PNLIP: variants seen among roughly 807,000 people sequenced by gnomAD.
PNLIP encodes the protein pancreatic triacylglycerol lipase.
PNLIP carries 49 observed loss-of-function variants against 57.1 expected under a neutral mutation model. That is an observed-to-expected ratio of 0.86 (90% CI 0.68 to 1.09). The LOEUF (loss-of-function observed/expected upper bound fraction) is 1.09. PNLIP is among the 50% of genes least tolerant of loss of function. The pLI is 0.00. For missense variants in PNLIP, 503 were observed against 570.2 expected (o/e 0.88, Z 1.20); for synonymous variants, 209 against 200.4 (o/e 1.04, Z -0.36).
In PNLIP at chr10:116,553,782, C is replaced by T. The variant is rs1847221107; in HGVS notation, c.515C>T (p.Ala172Val). 1.2e-6 allele frequency: 2 copies of T among 1,612,980 alleles called. No homozygotes were observed. The change falls in exon 6 of 13, where the codon GCC becomes GTC. Residue 172 changes from alanine to valine, a missense_variant. Coordinates refer to ENST00000369221, the MANE Select transcript of PNLIP (RefSeq NM_000936.4). ...CATGTCATTGGCCACAGCCTGGGTG[C>T]CCACGCTGCTGGGGAGGCTGGAAGG... is the stretch of plus-strand genomic sequence containing the variant. ...NVHVIGHSLGAHAAGEAGRRT... is the reference protein window; with the variant it reads ...NVHVIGHSLGVHAAGEAGRRT...
At chr10:116,567,170 CTCTTTCTTTCTTT>C (rs1964139234) in intron 12 of PNLIP, among the ~76,000 whole-genome samples, 2 of 138,724 alleles carry the variant, frequency 1.4e-5, no homozygotes. Flanking sequence ...TTCTTTCTTT[CTCTTTCTTTCTTT>C]TCTTTCTTTC....
At position 116,555,595 on chromosome 10, in the gene PNLIP, C is replaced by A. The variant is rs539333789; in HGVS notation, c.811+88C>A. ...ACTTGCTAAATTCTTTGGAATTGTACAGGTCTCACATTTTACATAACAAAA... is the reference window on the plus strand; with the variant it reads ...ACTTGCTAAATTCTTTGGAATTGTAAAGGTCTCACATTTTACATAACAAAA... On this transcript the variant is annotated intron_variant, in intron 8 of 12. Transcript: ENST00000369221. 175 of 1,387,812 alleles carry A rather than the reference C, an allele frequency of 1.3e-4. No individual in the cohort carries two copies. The East Asian group carries it at 3.5e-3, about 28-fold the overall frequency. 86.0% of individuals were successfully genotyped at this position (1,387,812 alleles called of 1,614,324 possible).
At chr10:116,565,162 ATG>A (rs1435658408) in intron 12 of PNLIP, among the ~76,000 whole-genome samples, 26 of 137,954 alleles carry the variant, frequency 1.9e-4, no homozygotes, top group African/African-American at 6.6e-4. Context: ...AGGCAGGAGA[ATG>A]GCGTGAACCC....
intron 10 of PNLIP, 138 bp from the exon 11 acceptor site, chr10:116,560,276 TAC>T (rs71301597): frequency 0.25 from 103,243 of 413,782 alleles, 5,087 homozygotes; most frequent in East Asian, 0.3. Context: ...ATTAGAAAAT[TAC>T]ACACACACAC....
rs1467253913 is a variant in PNLIP at position 116,546,074 on chromosome 10, T to C, written c.1-19T>C. ...TTAAAAACTTAGCCAGACTCAATCATGTTTTTAATTTCGTGTAGATGCTGC... is the reference window on the plus strand; with the variant it reads ...TTAAAAACTTAGCCAGACTCAATCACGTTTTTAATTTCGTGTAGATGCTGC... On this transcript the variant is annotated intron_variant, in intron 1 of 12. Transcript: ENST00000369221. 1 of 1,612,600 alleles carries C rather than the reference T, an allele frequency of 6.2e-7. No homozygotes were observed. Among genetic ancestry groups the C allele is most frequent in the Admixed American group, 1.7e-5 (1 of 60,032 alleles).
chr10:116,547,243 T>A (rs1268736334), intron 2 of PNLIP, 51 bp from the exon 3 acceptor site: 2 of 1,565,960 alleles, frequency 1.3e-6, no homozygotes. Flanking sequence ...GGCAGACAGA[T>A]CATTAAAAAG....
intron 9 of PNLIP, among the ~76,000 whole-genome samples, chr10:116,558,336 A>G (rs759418063): frequency 1.3e-5 from 2 of 151,410 alleles, no homozygotes; most frequent in African/African-American, 4.9e-5. Flanking sequence ...CTGGGACTAC[A>G]GGCGCCCGCC....
Position 116,547,577 on chromosome 10 carries a change from T to A in PNLIP, c.201+129T>A, listed in dbSNP as rs1313475213. ...CCATCTCTACTAAAAATACAAACAA[T>A]TAGCCAGGCGTGGTGGCAGGCGCCT... On this transcript the variant is annotated intron_variant, in intron 3 of 12. Coordinates refer to ENST00000369221, the MANE Select transcript of PNLIP (RefSeq NM_000936.4). 1.3e-5 allele frequency: 9 copies of A among 716,460 alleles called. No individual in the cohort carries two copies. In the Admixed American group the frequency reaches 2.4e-4, roughly 19 times the overall value. 44.4% of individuals were successfully genotyped at this position (716,460 alleles called of 1,614,324 possible).
chr10:116,553,870 G>A (rs1300166603), intron 6 of PNLIP, 32 bp downstream of exon 6: 23 of 1,363,238 alleles, frequency 1.7e-5, no homozygotes, highest in Non-Finnish European at 2.1e-5. Flanking sequence ...TACCAGGGGG[G>A]TTGAGGCAAG....
intron 9 of PNLIP, 47 bp from the exon 10 acceptor site, chr10:116,559,107 A>T (rs553782587): frequency 6.3e-7 from 1 of 1,591,876 alleles, no homozygotes; most frequent in African/African-American, 1.3e-5. Context: ...ATGGTACACA[A>T]CTAAAAGATA....
chr10:116,566,999 T>C (rs1847374175), intron 12 of PNLIP, among the ~76,000 whole-genome samples: 2 of 149,906 alleles, frequency 1.3e-5, no homozygotes, highest in African/African-American at 2.4e-5. Flanking sequence ...TCCCTTCCTT[T>C]CTTCCTTCCT....
rs772199914 is a variant in PNLIP, at chr10:116,548,336, T to A, written c.202-24T>A. On this transcript the variant is annotated intron_variant, in intron 3 of 12. Transcript: ENST00000369221. Reference sequence around the variant, plus strand: ...TATTGGCTACTATAGGAAACTGACATGAAACACTTTTCTGTCTAAACAGGA... The same window carrying A: ...TATTGGCTACTATAGGAAACTGACAAGAAACACTTTTCTGTCTAAACAGGA... The A allele has an allele frequency of 3.1e-6, 5 of 1,612,378 alleles. No individual in the cohort carries two copies. The South Asian group carries it at 5.5e-5, about 18-fold the overall frequency.
At position 116,561,620 on chromosome 10, in the gene PNLIP, A is replaced by G. The variant is rs778195546; in HGVS notation, c.1318A>G (p.Thr440Ala). 11 of 1,611,324 alleles carry G rather than the reference A, an allele frequency of 6.8e-6. No homozygotes were observed. In the Admixed American group the frequency reaches 1.8e-4, roughly 27 times the overall value. The change falls in exon 12 of 13, where the codon ACA (threonine) becomes GCA (alanine). Residue 440 changes from threonine (T) to alanine (A), a missense_variant. Physicochemically the swap from Thr to Ala is moderately conservative, Grantham distance 58. Transcript: ENST00000369221. ...GGGAGCATCCAAGATTATAGTGGAGACAAATGTTGGAAAACAGTAAGTAAT... is the reference window on the plus strand; with the variant it reads ...GGGAGCATCCAAGATTATAGTGGAGGCAAATGTTGGAAAACAGTAAGTAAT... ...RVGASKIIVE[T>A]NVGKQFNFCS...
chr10:116,556,141 A>G (rs1226844904), intron 9 of PNLIP, 23 bp downstream of exon 9: 3 of 1,382,620 alleles, frequency 2.2e-6, no homozygotes, highest in East Asian at 2.3e-5. Flanking sequence ...CACCTTCCGC[A>G]TAAAGAATTT....
intron 12 of PNLIP, among the ~76,000 whole-genome samples, chr10:116,563,152 G>A (rs1171751513): frequency 6.6e-6 from 1 of 152,140 alleles, no homozygotes; most frequent in African/African-American, 2.4e-5. Flanking sequence ...TAAAAGGTCA[G>A]TAAAGGCATG....
chr10:116,546,369 C>G (rs145039362), intron 2 of PNLIP, among the ~76,000 whole-genome samples: 542 of 152,268 alleles, frequency 3.6e-3, no homozygotes, highest in Non-Finnish European at 5.7e-3. Context: ...CCACAAACAA[C>G]AAATATGTGA....
At chr10:116,550,940 A>G (rs181392417) in intron 4 of PNLIP, among the ~76,000 whole-genome samples, 158 bp from the exon 5 acceptor site, 1 of 152,354 alleles carries the variant, frequency 6.6e-6, no homozygotes, top group African/African-American at 2.4e-5. Context: ...AGCAGAGATT[A>G]TATATCTATA....
chr10:116,555,966 C>A, intron 8 of PNLIP, 34 bp from the exon 9 acceptor site: 1 of 1,276,804 alleles, frequency 7.8e-7, no homozygotes, highest in Non-Finnish European at 1.1e-6. Flanking sequence ...AAAATAAAAT[C>A]TGTCCTTGAT....
In PNLIP at chr10:116,561,561, AT is replaced by A. The variant is rs1847316098; in HGVS notation, c.1260del (p.Tyr420Ter). 6.2e-7 allele frequency: 1 copy of A among 1,613,656 alleles called. No individual in the cohort carries two copies. Among genetic ancestry groups the A allele is most frequent in the African/African-American group, 1.3e-5 (1 of 74,918 alleles). Reference sequence around the variant, plus strand: ...TTGCAGATGGTTAAATTTATTTGGTATAACAATGTGATCAACCCAACTTTAC... The same window carrying A: ...TTGCAGATGGTTAAATTTATTTGGTAAACAATGTGATCAACCCAACTTTAC... ...GDLQMVKFIW[Y>X]NNVINPTLPR... On this transcript the variant is annotated frameshift_variant, in exon 12 of 13. Coordinates refer to ENST00000369221, the MANE Select transcript of PNLIP (RefSeq NM_000936.4). LOFTEE classifies it high-confidence loss of function.
Sources: gnomAD v4.1 joint callset for allele counts (sites outside exome capture counted in the v4.1 genomes callset) on GRCh38, gnomAD v4.1.1 for gene constraint, MANE v1.5 for transcripts, NCBI Gene and HGNC (gene_info 2026-07-23, HGNC 2026-07-21) for gene names.